The following HPSE2 variants were observed in gnomAD, a reference collection of about 807,000 sequenced individuals.
The protein encoded by HPSE2 is heparanase 2 (inactive), also known as inactive heparanase-2.
A neutral mutation model predicts 60.5 loss-of-function variants in HPSE2; 38 were observed. That is an observed-to-expected ratio of 0.63 (90% CI 0.48 to 0.82). The LOEUF (loss-of-function observed/expected upper bound fraction) is 0.82. Ranked by LOEUF, HPSE2 falls within the 40% of genes least tolerant of loss-of-function variation. HPSE2 has a pLI of 0.00. For missense variants in HPSE2, 713 were observed against 740.4 expected (o/e 0.96, Z 0.43); for synonymous variants, 295 against 293.2 (o/e 1.01, Z -0.06).
intron 11 of HPSE2, among the ~76,000 whole-genome samples, chr10:98,462,549 C>T (rs1460290371): frequency 1.3e-5 from 2 of 152,236 alleles, no homozygotes; most frequent in Admixed American, 6.5e-5. Context: ...CCTGACTGCT[C>T]TGTGGTACTC....
intron 2 of HPSE2, among the ~76,000 whole-genome samples, chr10:99,181,928 G>C (rs556862960): frequency 9.9e-5 from 15 of 152,084 alleles, no homozygotes; most frequent in African/African-American, 3.6e-4. Flanking sequence ...ATGCACCAGG[G>C]ACACTTGCTC....
At chr10:98,782,727 A>T (rs569082258) in intron 3 of HPSE2, among the ~76,000 whole-genome samples, 3 of 103,588 alleles carry the variant, frequency 2.9e-5, no homozygotes, top group Non-Finnish European at 4.2e-5. Context: ...ATCCACACAT[A>T]TTTAGTCAGC....
At chr10:98,482,606 C>T (rs764133619) in intron 11 of HPSE2, 30 bp downstream of exon 11, 1 of 1,613,778 alleles carries the variant, frequency 6.2e-7, no homozygotes, top group East Asian at 2.2e-5. Context: ...GCTGCACTTG[C>T]TCCCGAGCTA....
intron 9 of HPSE2, among the ~76,000 whole-genome samples, chr10:98,537,030 T>C (rs1409306740): frequency 6.6e-6 from 1 of 152,214 alleles, no homozygotes; most frequent in African/African-American, 2.4e-5. Context: ...CACTGTGTTT[T>C]ATAAAATATT....
chr10:98,607,962 A>T (rs1461529200), intron 9 of HPSE2, among the ~76,000 whole-genome samples: 1 of 152,248 alleles, frequency 6.6e-6, no homozygotes. Context: ...TTTATAAATA[A>T]TAATAGTGAT....
chr10:98,579,155 T>C (rs2133916572), intron 9 of HPSE2, among the ~76,000 whole-genome samples: 1 of 152,216 alleles, frequency 6.6e-6, no homozygotes, highest in Middle Eastern at 3.4e-3. Context: ...AGACCCAGAA[T>C]TGCATCAGCA....
intron 3 of HPSE2, among the ~76,000 whole-genome samples, chr10:99,019,798 C>A (rs1209147644): frequency 6.6e-6 from 1 of 151,570 alleles, no homozygotes; most frequent in Admixed American, 6.6e-5. Context: ...CAACCTCTGC[C>A]CCCCAGATTC....
At chr10:99,217,869 A>C (rs1360091408) in intron 2 of HPSE2, among the ~76,000 whole-genome samples, 1 of 152,062 alleles carries the variant, frequency 6.6e-6, no homozygotes, top group Non-Finnish European at 1.5e-5. Flanking sequence ...TTCAGATGTG[A>C]GCCACTGTGC....
At chr10:98,990,641 G>A (rs112958972) in intron 3 of HPSE2, among the ~76,000 whole-genome samples, 2 of 152,126 alleles carry the variant, frequency 1.3e-5, no homozygotes, top group African/African-American at 2.4e-5. Context: ...CATGATAGTA[G>A]CTTGAACAAC....
At chr10:98,907,220 G>C (rs1953846861) in intron 3 of HPSE2, among the ~76,000 whole-genome samples, 1 of 152,170 alleles carries the variant, frequency 6.6e-6, no homozygotes, top group Non-Finnish European at 1.5e-5. Flanking sequence ...CTGACTAGTT[G>C]ATATGGACAA....
chr10:99,295,650 T>C, the HPSE2 span, among the ~76,000 whole-genome samples: 7 of 152,304 alleles, frequency 4.6e-5, no homozygotes, highest in South Asian at 1.4e-3. Flanking sequence ...AGAGAATAGA[T>C]CTCAACGATA....
rs144221009 is a variant in HPSE2, at chr10:98,559,115, G to A, written c.1320+55789C>T. Among the ~76,000 whole-genome samples the A allele has an allele frequency of 1.4e-3, 211 of 152,228 alleles. 1 individual carries two copies. Among genetic ancestry groups the A allele is most frequent in the African/African-American group, 4.7e-3 (197 of 41,534 alleles). ...GGCGCAATCTTGCACTGCAACCTCC[G>A]CCTCTCAGGTTCAGGCTATCTCCTG... On this transcript the variant is annotated intron_variant, in intron 9 of 11. Coordinates refer to ENST00000370552, the MANE Select transcript of HPSE2 (RefSeq NM_021828.5).
At chr10:98,941,104 T>C (rs1954984792) in intron 3 of HPSE2, among the ~76,000 whole-genome samples, 1 of 142,616 alleles carries the variant, frequency 7.0e-6, no homozygotes, top group Non-Finnish European at 1.5e-5. Context: ...GAGCTATCTA[T>C]GACGAACCCA....
intron 3 of HPSE2, among the ~76,000 whole-genome samples, chr10:99,099,293 C>G (rs1328077088): frequency 1.3e-5 from 2 of 152,236 alleles, no homozygotes; most frequent in Non-Finnish European, 2.9e-5. Context: ...CACTCCCACT[C>G]TAATACTGCG....
At chr10:98,675,046 A>G (rs896641882) in intron 6 of HPSE2, among the ~76,000 whole-genome samples, 2 of 152,208 alleles carry the variant, frequency 1.3e-5, no homozygotes, top group African/African-American at 4.8e-5. Context: ...AACGTATTAA[A>G]CACTTGGGAT....
At chr10:98,933,369 C>G (rs1447957082) in intron 3 of HPSE2, among the ~76,000 whole-genome samples, 1 of 143,886 alleles carries the variant, frequency 6.9e-6, no homozygotes, top group Non-Finnish European at 1.5e-5. Context: ...GTTTTACTTC[C>G]AATTATGTGA....
At chr10:98,889,702 C>T (rs959686501) in intron 3 of HPSE2, among the ~76,000 whole-genome samples, 2 of 152,166 alleles carry the variant, frequency 1.3e-5, no homozygotes, top group African/African-American at 4.8e-5. Context: ...AATTACTTCA[C>T]TCCTCTGAAC....
intron 3 of HPSE2, among the ~76,000 whole-genome samples, chr10:99,097,766 A>C (rs934292912): frequency 6.6e-6 from 1 of 152,168 alleles, no homozygotes; most frequent in Admixed American, 6.5e-5. Context: ...AATCCTACGA[A>C]CTAGATAGAA....
At chr10:99,280,122 G>T in the HPSE2 span, among the ~76,000 whole-genome samples, 3 of 152,316 alleles carry the variant, frequency 2.0e-5, no homozygotes, top group Middle Eastern at 0.01. Context: ...CTCTGAATCA[G>T]AAGTTCTTCA....
Sources: allele counts gnomAD v4.1 joint callset (sites outside exome capture counted in the v4.1 genomes callset), GRCh38; gene constraint gnomAD v4.1.1; transcripts MANE v1.5; gene names NCBI Gene and HGNC (gene_info 2026-07-23, HGNC 2026-07-21).